The following KCNJ16 variants were observed in gnomAD, a reference collection of about 807,000 sequenced individuals.
The protein encoded by KCNJ16 is potassium inwardly rectifying channel subfamily J member 16.
A neutral mutation model predicts 18.5 loss-of-function variants in KCNJ16; 15 were observed. The ratio of observed to expected loss-of-function variants is 0.81; its 90% CI spans 0.54 to 1.25. The LOEUF is 1.25. Ranked by LOEUF, KCNJ16 falls within the 50% of genes most tolerant of loss-of-function variation. KCNJ16 has a pLI of 0.00. For synonymous variants in KCNJ16, 174 were observed against 186.5 expected, an observed-to-expected ratio of 0.93 and a Z score of 0.55; for missense variants, 523 against 525.7, an observed-to-expected ratio of 0.99 and a Z score of 0.05.
chr17:70,083,292 CTA>C (rs1832385647), intron 1 of KCNJ16, among the ~76,000 whole-genome samples: 1 of 148,790 alleles, frequency 6.7e-6, no homozygotes, highest in African/African-American at 2.5e-5. Context: ...TAATACATAT[CTA>C]TATGATATAT....
At position 70,132,222 on chromosome 17, in the gene KCNJ16, C is replaced by T. The variant is rs138007021; in HGVS notation, c.135C>T (p.Val45=). 2.5e-6 allele frequency: 4 copies of T among 1,614,082 alleles called. No individual in the cohort carries two copies. The African/African-American group carries it at 4.0e-5, about 16-fold the overall frequency. ...RLLHKDGSCN[V]YFKHIFGEWG... is the part of the protein sequence containing the mutation. ...TTCACAAAGATGGCAGCTGTAATGT[C>T]TACTTCAAGCACATTTTTGGAGAAT... Residue 45 remains valine (V), a synonymous_variant, in exon 4 of 4, where the codon GTC becomes GTT. Coordinates refer to ENST00000392671, the MANE Select transcript of KCNJ16 (RefSeq NM_170741.4).
At chr17:70,117,908 C>A (rs1187117186) in intron 2 of KCNJ16, among the ~76,000 whole-genome samples, 1 of 152,066 alleles carries the variant, frequency 6.6e-6, no homozygotes, top group African/African-American at 2.4e-5. Context: ...GTGGCAAACT[C>A]TTCTGTAAAG....
At chr17:70,117,040 T>C (rs969113104) in intron 2 of KCNJ16, among the ~76,000 whole-genome samples, 3 of 152,134 alleles carry the variant, frequency 2.0e-5, no homozygotes, top group East Asian at 3.9e-4. Flanking sequence ...AGCAAAGGCA[T>C]AGAATCAACC....
chr17:70,095,573 G>C (rs1365009753), intron 1 of KCNJ16, among the ~76,000 whole-genome samples: 1 of 152,036 alleles, frequency 6.6e-6, no homozygotes, highest in East Asian at 1.9e-4. Flanking sequence ...CTGCCTGCCT[G>C]TGAGTCTCTG....
intron 1 of KCNJ16, among the ~76,000 whole-genome samples, chr17:70,093,053 T>G (rs571904317): frequency 1.3e-5 from 2 of 152,238 alleles, no homozygotes; most frequent in South Asian, 4.2e-4. Flanking sequence ...ACATAAAATA[T>G]AACCAACACG....
chr17:70,083,839 T>C (rs78062148), intron 1 of KCNJ16, among the ~76,000 whole-genome samples: 6,767 of 152,136 alleles, frequency 0.044, 129 homozygotes, highest in Middle Eastern at 0.061. Context: ...GGGCAGGCAA[T>C]TGGAAGGACA....
At chr17:70,124,050 C>T (rs935354103) in intron 2 of KCNJ16, among the ~76,000 whole-genome samples, 3 of 142,290 alleles carry the variant, frequency 2.1e-5, no homozygotes, top group Non-Finnish European at 4.5e-5. Context: ...TCACACCTAT[C>T]AATAGTGCTC....
chr17:70,103,220 ATATGTGTATTATATATT>A (rs1291728795), intron 2 of KCNJ16, among the ~76,000 whole-genome samples: 1 of 144,108 alleles, frequency 6.9e-6, no homozygotes, highest in African/African-American at 2.5e-5. Flanking sequence ...TTGTGTATAT[ATATGTGTATTATATATT>A]TATGTGTATA....
chr17:70,129,369 A>G (rs184741067), intron 2 of KCNJ16, among the ~76,000 whole-genome samples: 23 of 152,326 alleles, frequency 1.5e-4, no homozygotes, highest in Admixed American at 1.4e-3. Flanking sequence ...AGTTGGGAAA[A>G]AGCTCAAATT....
intron 1 of KCNJ16, among the ~76,000 whole-genome samples, chr17:70,092,831 C>G (rs1288924587): frequency 6.6e-6 from 1 of 152,112 alleles, no homozygotes. Context: ...TGCCCCATCT[C>G]CAGAAAAAGG....
chr17:70,092,517 G>C (rs560765938), intron 1 of KCNJ16, among the ~76,000 whole-genome samples: 4 of 39,750 alleles, frequency 1.0e-4, no homozygotes, highest in South Asian at 1.0e-3. Flanking sequence ...TAGATAGATA[G>C]ATAGATACAT....
In KCNJ16 at chr17:70,132,614, G is replaced by A. The variant is rs758696762; in HGVS notation, c.527G>A (p.Arg176Gln). The A allele has an allele frequency of 2.7e-5, 44 of 1,614,052 alleles. No individual in the cohort carries two copies. Among genetic ancestry groups the A allele is most frequent in the South Asian group, 2.3e-4 (21 of 91,078 alleles). The change falls in exon 4 of 4, where the codon CGA (arginine) becomes CAA (glutamine). Residue 176 changes from arginine (R) to glutamine (Q), a missense_variant. Transcript: ENST00000392671. ...GAALAKMATA[R>Q]KRAQTIRFSY... is the part of the protein sequence containing the mutation. ...GCCTTGGCCAAAATGGCAACTGCTCGAAAGAGAGCCCAAACCATTCGTTTC... is the reference window on the plus strand; with the variant it reads ...GCCTTGGCCAAAATGGCAACTGCTCAAAAGAGAGCCCAAACCATTCGTTTC...
At chr17:70,125,078 C>T (rs899927360) in intron 2 of KCNJ16, among the ~76,000 whole-genome samples, 1 of 151,924 alleles carries the variant, frequency 6.6e-6, no homozygotes, top group African/African-American at 2.4e-5. Flanking sequence ...CCAGCCTGGG[C>T]AACACAGCGG....
At chr17:70,103,155 T>C (rs950458714) in intron 2 of KCNJ16, among the ~76,000 whole-genome samples, 23 of 143,994 alleles carry the variant, frequency 1.6e-4, no homozygotes, top group African/African-American at 5.3e-4. Context: ...ATAATATATA[T>C]AATTTATTTA....
intron 2 of KCNJ16, among the ~76,000 whole-genome samples, chr17:70,112,627 C>T (rs951193155): frequency 6.6e-6 from 1 of 152,058 alleles, no homozygotes; most frequent in Admixed American, 6.6e-5. Flanking sequence ...TTTATGTGTA[C>T]AAAATGGCAT....
chr17:70,120,902 G>A (rs1361368990), intron 2 of KCNJ16, among the ~76,000 whole-genome samples: 1 of 152,146 alleles, frequency 6.6e-6, no homozygotes, highest in African/African-American at 2.4e-5. Context: ...TCTTTTATAG[G>A]AAAGAAAAGT....
At chr17:70,103,296 G>GTGTGTATATA (rs1408960241) in intron 2 of KCNJ16, among the ~76,000 whole-genome samples, 1 of 72,050 alleles carries the variant, frequency 1.4e-5, no homozygotes, top group African/African-American at 4.4e-5. Flanking sequence ...ATGTGTGTGT[G>GTGTGTATATA]TATATATATA....
chr17:70,087,486 G>A (rs915669203), intron 1 of KCNJ16, among the ~76,000 whole-genome samples: 1 of 152,094 alleles, frequency 6.6e-6, no homozygotes, highest in Non-Finnish European at 1.5e-5. Flanking sequence ...CGGATCATTT[G>A]AGGTCAAGAA....
intron 2 of KCNJ16, among the ~76,000 whole-genome samples, chr17:70,124,277 G>A (rs1567803482): frequency 6.6e-6 from 1 of 152,032 alleles, no homozygotes; most frequent in Non-Finnish European, 1.5e-5. Flanking sequence ...TTTCTTTTGT[G>A]TCCTCCATGA....
Sources: gnomAD v4.1 joint callset for allele counts (sites outside exome capture counted in the v4.1 genomes callset) on GRCh38, gnomAD v4.1.1 for gene constraint, MANE v1.5 for transcripts, NCBI Gene and HGNC (gene_info 2026-07-23, HGNC 2026-07-21) for gene names.